The following PEMT variants were observed in gnomAD, a reference collection of about 807,000 sequenced individuals.
PEMT encodes the protein phosphatidylethanolamine N-methyltransferase, also known as phospholipid methyltransferase.
PEMT carries 23 observed loss-of-function variants against 27.4 expected under a neutral mutation model. That is an observed-to-expected ratio of 0.84 (90% CI 0.60 to 1.19). The LOEUF (loss-of-function observed/expected upper bound fraction) is 1.19, where lower values mean the gene tolerates loss of function less well. PEMT is among the 50% of genes most tolerant of loss of function. The pLI is 0.00. For missense variants in PEMT, 307 were observed against 310.1 expected, an observed-to-expected ratio of 0.99 and a Z score of 0.07; for synonymous variants, 137 against 139.1, an observed-to-expected ratio of 0.98 and a Z score of 0.11.
At chr17:17,525,143 A>C (rs1907576996) in intron 2 of PEMT, among the ~76,000 whole-genome samples, 1 of 152,028 alleles carries the variant, frequency 6.6e-6, no homozygotes, top group African/African-American at 2.4e-5. Context: ...CCTTTCCTTC[A>C]AGGGTTCTCT....
intron 4 of PEMT, among the ~76,000 whole-genome samples, chr17:17,509,793 G>A (rs554193495): frequency 6.6e-6 from 1 of 152,160 alleles, no homozygotes; most frequent in Non-Finnish European, 1.5e-5. Context: ...TCCTCTTCTC[G>A]AGCACTCTGA....
intron 5 of PEMT, chr17:17,507,254 G>T: frequency 1.4e-6 from 2 of 1,425,140 alleles, no homozygotes; most frequent in Non-Finnish European, 1.9e-6. Flanking sequence ...AGGGAGGAAA[G>T]GAGCTGTCTG....
intron 3 of PEMT, chr17:17,517,869 G>A (rs978605250): frequency 8.8e-5 from 52 of 587,974 alleles, no homozygotes; most frequent in African/African-American, 1.8e-4. Flanking sequence ...GGCCTTGGTC[G>A]TAAGGCTTCT....
In PEMT at chr17:17,540,570, G is replaced by A. The variant is rs115915409; in HGVS notation, c.205-18175C>T. On this transcript the variant is annotated intron_variant, in intron 2 of 6. Coordinates refer to ENST00000255389, the MANE Select transcript of PEMT (RefSeq NM_148172.3). ...TCCACCAGCCAGACCCCCAGAACCC[G>A]CGTCTACTTGAGGACACTGTCAGAA... Among the ~76,000 whole-genome samples, 691 of 152,296 alleles carry A rather than the reference G, an allele frequency of 4.5e-3. 10 individuals carry two copies. The highest frequency in any genetic ancestry group is 0.015 in the African/African-American group (640 of 41,576).
At chr17:17,525,843 AT>A (rs1433591578) in intron 2 of PEMT, among the ~76,000 whole-genome samples, 2 of 152,102 alleles carry the variant, frequency 1.3e-5, no homozygotes, top group Non-Finnish European at 2.9e-5. Context: ...AAATACAAAA[AT>A]TTAGCTGGGC....
chr17:17,590,370 T>C (rs938329357), intron 1 of PEMT, among the ~76,000 whole-genome samples: 29 of 152,184 alleles, frequency 1.9e-4, no homozygotes, highest in Non-Finnish European at 1.5e-5. Flanking sequence ...CTCTGGGGAA[T>C]CTTGCCCCAC....
chr17:17,540,842 GT>G (rs1320492043), intron 2 of PEMT, among the ~76,000 whole-genome samples: 20 of 152,324 alleles, frequency 1.3e-4, no homozygotes, highest in Admixed American at 1.3e-3. Flanking sequence ...GGGCTCCCGA[GT>G]GCTCCCCTGT....
chr17:17,580,117 G>A (rs1056816795), intron 1 of PEMT, among the ~76,000 whole-genome samples: 3 of 152,162 alleles, frequency 2.0e-5, no homozygotes, highest in Admixed American at 1.3e-4. Context: ...GGCCTGTGAT[G>A]CAGCCCCAAA....
chr17:17,576,058 G>A (rs1911564353), intron 2 of PEMT, among the ~76,000 whole-genome samples: 1 of 152,138 alleles, frequency 6.6e-6, no homozygotes, highest in Non-Finnish European at 1.5e-5. Flanking sequence ...TCAGGGCTCT[G>A]CATCAGCAAG....
chr17:17,588,519 A>T (rs1912437065), intron 1 of PEMT, among the ~76,000 whole-genome samples: 1 of 152,066 alleles, frequency 6.6e-6, no homozygotes. Flanking sequence ...ATAAAGCTTT[A>T]CACCCCTCAT....
intron 2 of PEMT, among the ~76,000 whole-genome samples, chr17:17,529,978 A>C (rs1907971621): frequency 6.6e-6 from 1 of 152,182 alleles, no homozygotes; most frequent in South Asian, 2.1e-4. Context: ...TCATTAAGTA[A>C]AAAAGCAAGT....
intron 2 of PEMT, among the ~76,000 whole-genome samples, chr17:17,537,441 C>A (rs1009989060): frequency 6.6e-6 from 1 of 152,218 alleles, no homozygotes; most frequent in African/African-American, 2.4e-5. Flanking sequence ...TCCAGCCCAA[C>A]ACACCGGGCT....
chr17:17,567,161 G>A (rs528691294), intron 2 of PEMT, among the ~76,000 whole-genome samples: 1 of 152,386 alleles, frequency 6.6e-6, no homozygotes, highest in East Asian at 1.9e-4. Flanking sequence ...CGGCTCAGTG[G>A]AAGAGATCGG....
At chr17:17,549,595 C>A (rs911388870) in intron 2 of PEMT, among the ~76,000 whole-genome samples, 1 of 152,236 alleles carries the variant, frequency 6.6e-6, no homozygotes, top group South Asian at 2.1e-4. Flanking sequence ...CAGTCATGGG[C>A]CACTGTGCCC....
At chr17:17,519,754 A>G (rs973147965) in intron 3 of PEMT, among the ~76,000 whole-genome samples, 3 of 152,224 alleles carry the variant, frequency 2.0e-5, no homozygotes, top group Non-Finnish European at 4.4e-5. Context: ...GGAGGACTCA[A>G]GGAAGCCTCT....
At chr17:17,566,540 G>C (rs1022864119) in intron 2 of PEMT, among the ~76,000 whole-genome samples, 6 of 152,220 alleles carry the variant, frequency 3.9e-5, no homozygotes, top group African/African-American at 1.4e-4. Context: ...ACTGCCGCAG[G>C]GTTCAGGAAG....
At chr17:17,586,293 A>AAGAAAG (rs1912309686) in intron 1 of PEMT, among the ~76,000 whole-genome samples, 1 of 121,648 alleles carries the variant, frequency 8.2e-6, no homozygotes, top group Middle Eastern at 3.5e-3. Flanking sequence ...AGAAAGAAAA[A>AAGAAAG]AAAAAACGCA....
chr17:17,586,336 G>A (rs1348088186), intron 1 of PEMT, among the ~76,000 whole-genome samples: 1 of 151,016 alleles, frequency 6.6e-6, no homozygotes, highest in Non-Finnish European at 1.5e-5. Context: ...GCTGACCTGA[G>A]CAGCGCCATC....
At chr17:17,521,871 A>G (rs1325486000) in intron 3 of PEMT, among the ~76,000 whole-genome samples, 1 of 152,152 alleles carries the variant, frequency 6.6e-6, no homozygotes, top group Non-Finnish European at 1.5e-5. Flanking sequence ...CCGGCCTCAA[A>G]GAAGCTTTCT....
Sources: gnomAD v4.1 joint callset for allele counts (sites outside exome capture counted in the v4.1 genomes callset) on GRCh38, gnomAD v4.1.1 for gene constraint, MANE v1.5 for transcripts, NCBI Gene and HGNC (gene_info 2026-07-23, HGNC 2026-07-21) for gene names.